The following LARP4B variants were observed in gnomAD, a reference collection of about 807,000 sequenced individuals.
The protein encoded by LARP4B is la-related protein 4B.
Under a neutral mutation model 89.8 loss-of-function variants are expected in LARP4B, and 12 were observed. The observed-to-expected ratio is 0.13, with a 90% CI of 0.09 to 0.22. LARP4B has a LOEUF of 0.22. LARP4B is among the 10% of genes least tolerant of loss of function. The probability of loss-of-function intolerance (pLI) is 1.00; values close to 1 mark genes in which losing one functional copy is unlikely to be tolerated. For synonymous variants in LARP4B, 367 were observed against 363.3 expected (o/e 1.01, Z -0.12); for missense variants, 757 against 947.7 (o/e 0.80, Z 2.64).
At chr10:818,873 C>T (rs1445763786) in intron 14 of LARP4B, 2 of 152,240 alleles carry the variant, frequency 1.3e-5, no homozygotes, top group Non-Finnish European at 2.9e-5. Context: ...TGAATCCCTG[C>T]ATCAGTAGAT....
chr10:919,026 A>G (rs2132041545), intron 1 of LARP4B, among the ~76,000 whole-genome samples: 1 of 152,288 alleles, frequency 6.6e-6, no homozygotes, highest in Middle Eastern at 3.4e-3. Flanking sequence ...GTTTGCAGTG[A>G]GCGGAGATCA....
At chr10:881,973 T>G (rs1298683623) in intron 3 of LARP4B, among the ~76,000 whole-genome samples, 2 of 152,210 alleles carry the variant, frequency 1.3e-5, no homozygotes, top group African/African-American at 4.8e-5. Flanking sequence ...CAGTACTAGC[T>G]GCTTGCCTAC....
chr10:816,039 G>A (rs1832037332), intron 15 of LARP4B, among the ~76,000 whole-genome samples: 1 of 152,218 alleles, frequency 6.6e-6, no homozygotes, highest in South Asian at 2.1e-4. Context: ...GGCCAGCCTG[G>A]CCAACATGGT....
intron 3 of LARP4B, among the ~76,000 whole-genome samples, chr10:874,494 C>T (rs1157947505): frequency 1.3e-5 from 2 of 152,232 alleles, no homozygotes; most frequent in African/African-American, 4.8e-5. Context: ...GCGTTGTCCA[C>T]AACTAAACAA....
chr10:932,167 A>C (rs1236611628), upstream of LARP4B, among the ~76,000 whole-genome samples: 3 of 149,672 alleles, frequency 2.0e-5, no homozygotes, highest in East Asian at 2.0e-4. Context: ...ACCCTGGACC[A>C]AGGCCCCGGC....
At chr10:884,568 A>G in intron 2 of LARP4B, 62 bp from the exon 3 acceptor site, 1 of 1,135,456 alleles carries the variant, frequency 8.8e-7, no homozygotes, top group Non-Finnish European at 1.3e-6. Context: ...ACATATTTTC[A>G]AACCACAGTA....
At position 822,309 on chromosome 10, in the gene LARP4B, G is replaced by C. The variant is rs1175848223; in HGVS notation, c.1485-1464C>G. The stretch of plus-strand genomic sequence containing the variant: ...GAGGCATTGCCCTGAGCGCTGGACA[G>C]AGGGACAGCAGCCACATGGGCAGAG... On this transcript the variant is annotated intron_variant, in intron 13 of 17. Coordinates refer to ENST00000316157, the MANE Select transcript of LARP4B (RefSeq NM_015155.3). The surrounding 1 kb of genome is among the most constrained non-coding windows in gnomAD (Gnocchi z 4.6). Among the ~76,000 whole-genome samples, 2 of 152,248 alleles carry C rather than the reference G, an allele frequency of 1.3e-5. No individual in the cohort carries two copies. Among genetic ancestry groups the C allele is most frequent in the African/African-American group, 4.8e-5 (2 of 41,472 alleles).
At position 868,888 on chromosome 10, in the gene LARP4B, C is replaced by A. The variant is rs531540559; in HGVS notation, c.142-4618G>T. ...TCCTTGCTTCATTGCCCACAAAAATCATGAATAAACCACTGGTTGAATAAT... is the reference window on the plus strand; with the variant it reads ...TCCTTGCTTCATTGCCCACAAAAATAATGAATAAACCACTGGTTGAATAAT... On this transcript the variant is annotated intron_variant, in intron 3 of 17. Coordinates refer to ENST00000316157, the MANE Select transcript of LARP4B (RefSeq NM_015155.3). Among the ~76,000 whole-genome samples the A allele has an allele frequency of 3.9e-5, 6 of 152,308 alleles. No individual in the cohort carries two copies. The East Asian group carries it at 1.2e-3, about 29-fold the overall frequency.
At chr10:945,997 A>G in the LARP4B span, among the ~76,000 whole-genome samples, 2 of 152,190 alleles carry the variant, frequency 1.3e-5, no homozygotes. Context: ...AGCTGCAAGA[A>G]TGTAAGCCCA....
At chr10:977,010 G>A in the LARP4B span, among the ~76,000 whole-genome samples, 10 of 152,068 alleles carry the variant, frequency 6.6e-5, no homozygotes, top group Non-Finnish European at 1.3e-4. Flanking sequence ...TGTAATGTGT[G>A]GAACTCGCTT....
At chr10:955,275 G>C in the LARP4B span, among the ~76,000 whole-genome samples, 34,374 of 152,136 alleles carry the variant, frequency 0.23, 4,219 homozygotes, top group East Asian at 0.32. The surrounding 1 kb of genome is among the most constrained non-coding windows in gnomAD (Gnocchi z 5.2). Flanking sequence ...CCTCACTTCA[G>C]TCTGCCCCTG....
chr10:927,543 T>C (rs964674958), intron 1 of LARP4B, among the ~76,000 whole-genome samples: 6 of 152,174 alleles, frequency 3.9e-5, no homozygotes, highest in African/African-American at 1.4e-4. Context: ...TCAACCAGCA[T>C]AAGAGCAAAA....
At chr10:966,413 A>G in the LARP4B span, among the ~76,000 whole-genome samples, 2 of 152,332 alleles carry the variant, frequency 1.3e-5, no homozygotes, top group South Asian at 2.1e-4. Flanking sequence ...CCATGATCGC[A>G]CCACTGCACT....
chr10:848,180 ACT>A (rs1298424326), intron 5 of LARP4B, among the ~76,000 whole-genome samples: 1 of 151,724 alleles, frequency 6.6e-6, no homozygotes, highest in Non-Finnish European at 1.5e-5. Flanking sequence ...CCCACCAGAA[ACT>A]CTTGTGATTC....
intron 1 of LARP4B, among the ~76,000 whole-genome samples, chr10:894,570 A>C (rs1477116973): frequency 6.6e-6 from 1 of 152,116 alleles, no homozygotes; most frequent in African/African-American, 2.4e-5. Context: ...GACAGAGAAA[A>C]CTTTTTGACA....
chr10:864,083 GA>G, intron 4 of LARP4B, 39 bp downstream of exon 4: 1 of 1,611,810 alleles, frequency 6.2e-7, no homozygotes, highest in Non-Finnish European at 8.5e-7. Flanking sequence ...GCACAGGCCT[GA>G]AAGCAGGGGG....
the LARP4B span, among the ~76,000 whole-genome samples, chr10:979,199 C>T: frequency 2.0e-5 from 3 of 152,290 alleles, no homozygotes; most frequent in Admixed American, 6.5e-5. Context: ...TTCTCCTGTC[C>T]TTCTGGAGTA....
intron 1 of LARP4B, among the ~76,000 whole-genome samples, chr10:929,599 G>A (rs1588999023): frequency 0.011 from 2 of 186 alleles, no homozygotes; most frequent in Non-Finnish European, 0.1. Context: ...CTCCAACTCG[G>A]GGGGGGAAGA....
intron 1 of LARP4B, among the ~76,000 whole-genome samples, chr10:924,958 T>C (rs1291490307): frequency 6.6e-6 from 1 of 152,192 alleles, no homozygotes; most frequent in Non-Finnish European, 1.5e-5. Flanking sequence ...ATATAAATCT[T>C]GATCTCATAA....
Sources: allele counts gnomAD v4.1 joint callset (sites outside exome capture counted in the v4.1 genomes callset), GRCh38; gene constraint gnomAD v4.1.1; non-coding constraint Gnocchi (gnomAD v3.1); transcripts MANE v1.5; gene names NCBI Gene and HGNC (gene_info 2026-07-23, HGNC 2026-07-21).